The following METTL16 variants were observed in gnomAD, a reference collection of about 807,000 sequenced individuals.
The protein encoded by METTL16 is methyltransferase 16, RNA N6-adenosine.
In METTL16, 19 loss-of-function variants were observed where a neutral mutation model predicts 57.9. The ratio of observed to expected loss-of-function variants is 0.33; its 90% confidence interval spans 0.23 to 0.48. The LOEUF (loss-of-function observed/expected upper bound fraction) is 0.48. METTL16 is among the 20% of genes least tolerant of loss of function. METTL16 has a pLI of 0.99. For synonymous variants in METTL16, 246 were observed against 255.6 expected (o/e 0.96, Z 0.36); for missense variants, 434 against 691.5 (o/e 0.63, Z 4.18).
chr17:2,448,788 ATAAAAATAAAATT>A (rs2067041570), intron 6 of METTL16, among the ~76,000 whole-genome samples: 3 of 102,276 alleles, frequency 2.9e-5, no homozygotes, highest in African/African-American at 1.2e-4. Context: ...AAATAAAAAA[ATAAAAATAAAATT>A]TAAAAAAAAA....
chr17:2,430,167 C>CTCTGTCACCCAGG (rs2066861880), intron 8 of METTL16, among the ~76,000 whole-genome samples: 1 of 151,938 alleles, frequency 6.6e-6, no homozygotes, highest in African/African-American at 2.4e-5. Context: ...GGCTGGAGTG[C>CTCTGTCACCCAGG]AGTGGTGCAA....
intron 2 of METTL16, among the ~76,000 whole-genome samples, chr17:2,485,041 C>CT (rs1235162688): frequency 6.6e-6 from 1 of 152,162 alleles, no homozygotes; most frequent in Non-Finnish European, 1.5e-5. Context: ...CCTGTTAGGA[C>CT]TTGTGCCGCA....
chr17:2,483,890 A>T (rs953467591), intron 2 of METTL16, among the ~76,000 whole-genome samples: 1 of 152,260 alleles, frequency 6.6e-6, no homozygotes, highest in East Asian at 1.9e-4. Context: ...TATGACGAAG[A>T]AGTTCACATC....
intron 2 of METTL16, among the ~76,000 whole-genome samples, chr17:2,488,509 A>C (rs1015272403): frequency 4.6e-5 from 7 of 152,032 alleles, no homozygotes; most frequent in African/African-American, 1.7e-4. Context: ...CAGTGAGCAG[A>C]GATAGTGCCA....
At position 2,483,501 on chromosome 17, in the gene METTL16, G is replaced by A. The variant is rs368474473; in HGVS notation, c.129-5616C>T. ...AAAATACATTAAGTCTATTTAAAGG[G>A]GTATTAAGTTTATTCTTAGACATCA... On this transcript the variant is annotated intron_variant, in intron 2 of 9. Coordinates refer to ENST00000263092, the MANE Select transcript of METTL16 (RefSeq NM_024086.4). Among the ~76,000 whole-genome samples, 16 of 152,094 alleles carry A rather than the reference G, an allele frequency of 1.1e-4. No individual in the cohort carries two copies. In the East Asian group the frequency reaches 2.1e-3, roughly 20 times the overall value.
rs1209209327 is a variant in METTL16 at position 2,416,132 on chromosome 17, C to A, written c.*3838G>T. ...TACATAAAAATACAAATCTGGGTAG[C>A]AACTGGGTATTTCAAGAAAACACCG... On this transcript the variant is annotated 3_prime_UTR_variant, in exon 10 of 10. Coordinates refer to ENST00000263092, the MANE Select transcript of METTL16 (RefSeq NM_024086.4). 2 of 152,100 alleles carry A rather than the reference C, an allele frequency of 1.3e-5. No individual in the cohort carries two copies. The highest frequency in any genetic ancestry group is 2.9e-5 in the Non-Finnish European group (2 of 68,026). The allele number at this position is 152,100 out of a possible 1,614,324, so 9.4% of individuals were successfully genotyped here. A position where few individuals can be genotyped will look rare whatever the true frequency, so the allele number is the denominator to read the frequency against.
intron 6 of METTL16, among the ~76,000 whole-genome samples, chr17:2,442,342 C>T (rs934192287): frequency 2.0e-5 from 3 of 152,168 alleles, no homozygotes; most frequent in African/African-American, 7.2e-5. Flanking sequence ...GAAGGAAATT[C>T]CCAGACTGCA....
chr17:2,465,546 CAAAAAAAAAAAAAA>C (rs547864019), intron 5 of METTL16, among the ~76,000 whole-genome samples: 1 of 24,496 alleles, frequency 4.1e-5, no homozygotes, highest in Non-Finnish European at 8.0e-5. Flanking sequence ...GACTCCATCT[CAAAAAAAAAAAAAA>C]AAAAAAAAAA....
At chr17:2,458,480 G>T (rs954345875) in intron 6 of METTL16, among the ~76,000 whole-genome samples, 2 of 151,992 alleles carry the variant, frequency 1.3e-5, no homozygotes, top group Non-Finnish European at 2.9e-5. Flanking sequence ...GTGAGGCCAA[G>T]GGGGGCAGAT....
chr17:2,464,901 T>G (rs2067179775), intron 5 of METTL16, among the ~76,000 whole-genome samples: 2 of 152,110 alleles, frequency 1.3e-5, no homozygotes, highest in Non-Finnish European at 1.5e-5. Context: ...AACAAAAGCA[T>G]AAGCAACAAA....
intron 2 of METTL16, among the ~76,000 whole-genome samples, chr17:2,498,736 C>G (rs2067464879): frequency 2.0e-5 from 3 of 151,574 alleles, no homozygotes; most frequent in Admixed American, 2.0e-4. Context: ...AAGACTGTGT[C>G]TCAGAAAATA....
chr17:2,500,948 C>T (rs995943931), intron 2 of METTL16, among the ~76,000 whole-genome samples: 2 of 151,914 alleles, frequency 1.3e-5, no homozygotes, highest in African/African-American at 4.8e-5. Context: ...GAAACTCTGT[C>T]CCTACTAAAA....
Position 2,420,780 on chromosome 17 carries a change from C to T in METTL16, c.1013G>A (p.Gly338Asp). ...ASPLRSETAE[G>D]IVVVTTWIEK... ...AATCCATGTCGTGACAACGACTATG[C>T]CTTCCGCCGTCTCCGAGCGCAGAGG... is the stretch of plus-strand genomic sequence containing the variant. The change falls in exon 9 of 10, where the codon GGC becomes GAC. Residue 338 changes from glycine (G) to aspartate (D), a missense_variant. By Grantham distance (94) the Gly-to-Asp change is moderately conservative. Coordinates refer to ENST00000263092, the MANE Select transcript of METTL16 (RefSeq NM_024086.4). This position sits in a 1 kb window ranked among gnomAD's most constrained non-coding sequence, Gnocchi z 5.4. 1 of 1,614,186 alleles carries T rather than the reference C, an allele frequency of 6.2e-7. No individual in the cohort carries two copies. The highest frequency in any genetic ancestry group is 8.5e-7 in the Non-Finnish European group (1 of 1,180,018).
In METTL16 at chr17:2,441,554, T is replaced by A; in HGVS notation, c.734A>T (p.Tyr245Phe). The A allele has an allele frequency of 6.4e-7, 1 of 1,574,318 alleles. No individual in the cohort carries two copies. Among genetic ancestry groups the A allele is most frequent in the African/African-American group, 1.4e-5 (1 of 73,598 alleles). Residue 245 changes from tyrosine to phenylalanine, a missense_variant, in exon 7 of 10, where the codon TAT becomes TTT. Physicochemically the swap from Tyr to Phe is conservative, Grantham distance 22 (BLOSUM62 3). Coordinates refer to ENST00000263092, the MANE Select transcript of METTL16 (RefSeq NM_024086.4). ...GCATTTCTTTCCCAGCATGCAGCTA[T>A]ACCATCTAGGAAAAAAAAAATCAGA... Reference protein sequence around the residue: ...SLQLKKRLRWYSCMLGKKCSL... With the variant: ...SLQLKKRLRWFSCMLGKKCSL...
chr17:2,487,706 C>G (rs2067353806), intron 2 of METTL16, among the ~76,000 whole-genome samples: 1 of 152,068 alleles, frequency 6.6e-6, no homozygotes, highest in Non-Finnish European at 1.5e-5. Context: ...GTGGAATCAG[C>G]TAAAGATTAA....
chr17:2,475,941 A>AGCTGAGAAGC (rs2067265731), intron 3 of METTL16, among the ~76,000 whole-genome samples: 1 of 152,214 alleles, frequency 6.6e-6, no homozygotes, highest in African/African-American at 2.4e-5. Flanking sequence ...CAAGCTTTTT[A>AGCTGAGAAGC]AGCAAACTAG....
At chr17:2,474,954 A>G (rs141504330) in intron 3 of METTL16, among the ~76,000 whole-genome samples, 24 of 152,120 alleles carry the variant, frequency 1.6e-4, no homozygotes, top group African/African-American at 5.5e-4. Flanking sequence ...ATCTTGGCCA[A>G]TTAGATCCTA....
At chr17:2,499,025 A>G (rs904642503) in intron 2 of METTL16, among the ~76,000 whole-genome samples, 1 of 151,486 alleles carries the variant, frequency 6.6e-6, no homozygotes, top group African/African-American at 2.4e-5. Context: ...TTAAAACACA[A>G]CCAAGAGACC....
intron 8 of METTL16, among the ~76,000 whole-genome samples, chr17:2,425,503 A>G (rs1319487802): frequency 6.6e-6 from 1 of 152,238 alleles, no homozygotes; most frequent in Non-Finnish European, 1.5e-5. Context: ...CAGAGACCAC[A>G]GGTTTTATAT....
Sources: allele counts gnomAD v4.1 joint callset (sites outside exome capture counted in the v4.1 genomes callset), GRCh38; gene constraint gnomAD v4.1.1; non-coding constraint Gnocchi (gnomAD v3.1); transcripts MANE v1.5; gene names NCBI Gene and HGNC (gene_info 2026-07-23, HGNC 2026-07-21).